The following CCSER2 variants were observed in gnomAD, a reference collection of about 807,000 sequenced individuals.
CCSER2 encodes the protein coiled-coil serine rich protein 2, also known as serine-rich coiled-coil domain-containing protein 2.
Under a neutral mutation model 92.3 loss-of-function variants are expected in CCSER2, and 46 were observed. The ratio of observed to expected loss-of-function variants is 0.50; its 90% CI spans 0.39 to 0.64. The LOEUF (loss-of-function observed/expected upper bound fraction) is 0.64. Among genes scored for constraint, CCSER2 ranks in the 30% least tolerant of loss-of-function variants. The pLI, the probability that CCSER2 is intolerant of heterozygous loss-of-function variation, is 0.00. For missense variants in CCSER2, 1,244 were observed against 1,238.9 expected (o/e 1.00, Z -0.06); for synonymous variants, 433 against 431.4 (o/e 1.00, Z -0.04).
At chr10:84,429,937 TTGTTG>T (rs1843672597) in intron 5 of CCSER2, among the ~76,000 whole-genome samples, 1 of 152,010 alleles carries the variant, frequency 6.6e-6, no homozygotes, top group Non-Finnish European at 1.5e-5. Flanking sequence ...CCAGGATTTG[TTGTTG>T]TGTTTTTTTG....
chr10:84,411,346 T>C (rs1842640177), intron 3 of CCSER2, among the ~76,000 whole-genome samples: 2 of 152,202 alleles, frequency 1.3e-5, no homozygotes, highest in South Asian at 4.1e-4. Context: ...AGAATGTCAA[T>C]GGTAGTTTAA....
At chr10:84,412,881 A>G (rs2133370530) in intron 3 of CCSER2, among the ~76,000 whole-genome samples, 1 of 152,282 alleles carries the variant, frequency 6.6e-6, no homozygotes, top group Non-Finnish European at 1.5e-5. Context: ...AAAAAGGTGT[A>G]TGTGTCCAGG....
At chr10:84,428,952 A>G (rs1843595598) in intron 5 of CCSER2, among the ~76,000 whole-genome samples, 1 of 132,514 alleles carries the variant, frequency 7.5e-6, no homozygotes, top group Admixed American at 8.6e-5. Context: ...GTTTGCTAGT[A>G]TTTTGTTGAA....
intron 9 of CCSER2, among the ~76,000 whole-genome samples, chr10:84,503,084 C>T (rs1210055553): frequency 1.3e-5 from 2 of 151,930 alleles, no homozygotes; most frequent in Non-Finnish European, 2.9e-5. Context: ...ATTAGCGGGG[C>T]GTGGTGGCGG....
chr10:84,367,468 G>A (rs750725009), intron 1 of CCSER2, among the ~76,000 whole-genome samples: 22 of 151,098 alleles, frequency 1.5e-4, no homozygotes, highest in Non-Finnish European at 2.5e-4. Context: ...CCTCAACCTC[G>A]TGGGCTCAGT....
intron 4 of CCSER2, among the ~76,000 whole-genome samples, chr10:84,419,870 G>A (rs984479034): frequency 6.6e-6 from 1 of 152,186 alleles, no homozygotes; most frequent in Admixed American, 6.5e-5. Context: ...AAGCATCACT[G>A]CTATTGAATC....
At chr10:84,479,377 C>G (rs934917916) in intron 9 of CCSER2, among the ~76,000 whole-genome samples, 14 of 152,070 alleles carry the variant, frequency 9.2e-5, no homozygotes, top group African/African-American at 2.7e-4. Context: ...CATTGAAGAG[C>G]CTTTGAAGGA....
chr10:84,329,233 C>T (rs12774395), intron 1 of CCSER2, among the ~76,000 whole-genome samples: 2 of 152,174 alleles, frequency 1.3e-5, no homozygotes, highest in Non-Finnish European at 2.9e-5. Flanking sequence ...TAAAACACAT[C>T]CTGAGGTGAA....
In CCSER2 at chr10:84,516,743, A is replaced by G. The variant is rs1309328062; in HGVS notation, c.*2476A>G. 6.6e-6 allele frequency: 1 copy of G among 151,580 alleles called. No individual in the cohort carries two copies. The highest frequency in any genetic ancestry group is 1.5e-5 in the Non-Finnish European group (1 of 67,882). 9.4% of individuals were successfully genotyped at this position (151,580 alleles called of 1,614,324 possible). On this transcript the variant is annotated 3_prime_UTR_variant, in exon 10 of 10. Coordinates refer to ENST00000372088, the MANE Select transcript of CCSER2 (RefSeq NM_001284240.2). ...CCATGTATTTACTCCATTTTTCTCTATTTTTTCCTTCCCTGATGGATTTGC... is the reference window on the plus strand; with the variant it reads ...CCATGTATTTACTCCATTTTTCTCTGTTTTTTCCTTCCCTGATGGATTTGC...
At chr10:84,433,434 T>TACACAC (rs139177738) in intron 5 of CCSER2, among the ~76,000 whole-genome samples, 140 of 150,632 alleles carry the variant, frequency 9.3e-4, no homozygotes, top group Admixed American at 2.3e-3. Context: ...CCCACACACA[T>TACACAC]ACACACACAC....
chr10:84,486,093 A>G (rs1381700219), intron 9 of CCSER2, among the ~76,000 whole-genome samples: 2 of 152,154 alleles, frequency 1.3e-5, no homozygotes, highest in Non-Finnish European at 2.9e-5. Context: ...TTATGGCTGC[A>G]TAGTATTCCA....
At chr10:84,399,990 A>G (rs1434937402) in intron 3 of CCSER2, among the ~76,000 whole-genome samples, 2 of 152,006 alleles carry the variant, frequency 1.3e-5, no homozygotes, top group African/African-American at 4.8e-5. Context: ...TTAGTCTCAA[A>G]TGAGGTTGAA....
At chr10:84,392,624 C>T (rs1841589672) in intron 3 of CCSER2, among the ~76,000 whole-genome samples, 1 of 151,854 alleles carries the variant, frequency 6.6e-6, no homozygotes, top group African/African-American at 2.4e-5. Flanking sequence ...ATCAGCTTGC[C>T]TTCCCATAGT....
chr10:84,382,712 T>C (rs1840979811), intron 3 of CCSER2, among the ~76,000 whole-genome samples: 1 of 152,226 alleles, frequency 6.6e-6, no homozygotes. Context: ...ATGATTTTTA[T>C]AGGAGGCCCA....
At chr10:84,395,852 A>G (rs1233602414) in intron 3 of CCSER2, among the ~76,000 whole-genome samples, 1 of 152,162 alleles carries the variant, frequency 6.6e-6, no homozygotes, top group Non-Finnish European at 1.5e-5. Flanking sequence ...CCCTTGAGTC[A>G]TTATGTCTCC....
At chr10:84,382,337 G>A (rs961368189) in intron 3 of CCSER2, among the ~76,000 whole-genome samples, 1 of 152,122 alleles carries the variant, frequency 6.6e-6, no homozygotes, top group Non-Finnish European at 1.5e-5. Flanking sequence ...ATGAATTCTA[G>A]AGGAGTTGAG....
At chr10:84,425,988 C>T in intron 5 of CCSER2, 95 bp downstream of exon 5, 2 of 920,226 alleles carry the variant, frequency 2.2e-6, no homozygotes, top group South Asian at 3.0e-5. Context: ...CTGTTTTTGT[C>T]TGGTTTGTTT....
chr10:84,432,478 C>T (rs1843834161), intron 5 of CCSER2, among the ~76,000 whole-genome samples: 1 of 152,124 alleles, frequency 6.6e-6, no homozygotes, highest in African/African-American at 2.4e-5. Context: ...TGTTTAGCTC[C>T]CACTTATAAG....
chr10:84,391,946 T>C (rs1841542542), intron 3 of CCSER2: 1 of 1,366,086 alleles, frequency 7.3e-7, no homozygotes. Flanking sequence ...GTAAGATCCT[T>C]CATGGATTTA....
Sources: allele counts gnomAD v4.1 joint callset (sites outside exome capture counted in the v4.1 genomes callset), GRCh38; gene constraint gnomAD v4.1.1; transcripts MANE v1.5; gene names NCBI Gene and HGNC (gene_info 2026-07-23, HGNC 2026-07-21).